The following TENT5D variants were observed in gnomAD, a reference collection of about 807,000 sequenced individuals.
TENT5D encodes the protein terminal nucleotidyltransferase 5D.
For missense variants in TENT5D, 191 were observed against 287.0 expected (o/e 0.67, Z 2.42); for synonymous variants, 103 against 100.6 (o/e 1.02, Z -0.15).
chrX:80,347,334 G>A (rs771906205), intron 3 of TENT5D, among the ~76,000 whole-genome samples: 1 of 111,868 alleles, frequency 8.9e-6, no homozygotes, highest in South Asian at 3.7e-4. Flanking sequence ...TCCTTAACCA[G>A]CATCTGTTGT....
At chrX:80,351,883 G>C (rs1323134501) in intron 3 of TENT5D, among the ~76,000 whole-genome samples, 1 of 112,243 alleles carries the variant, frequency 8.9e-6, no homozygotes, top group African/African-American at 3.2e-5. Flanking sequence ...CTGTTTGTTA[G>C]TTTTTCTTCT....
At chrX:80,374,307 C>T (rs1930686886) in intron 3 of TENT5D, among the ~76,000 whole-genome samples, 1 of 111,294 alleles carries the variant, frequency 9.0e-6, no homozygotes, top group South Asian at 3.8e-4. Flanking sequence ...GCAATGAACA[C>T]ACGTGCGCAT....
At chrX:80,384,905 C>A (rs777137156) in intron 3 of TENT5D, among the ~76,000 whole-genome samples, 2 of 110,596 alleles carry the variant, frequency 1.8e-5, no homozygotes, top group East Asian at 5.7e-4. Flanking sequence ...CAAACCACTG[C>A]TCAATGAAAT....
chrX:80,357,525 T>C (rs376763411), intron 3 of TENT5D, among the ~76,000 whole-genome samples: 6 of 111,190 alleles, frequency 5.4e-5, no homozygotes, highest in Non-Finnish European at 9.4e-5. Context: ...ATGATGAGCA[T>C]TTTTTCATGT....
intron 3 of TENT5D, among the ~76,000 whole-genome samples, chrX:80,348,374 G>A (rs1930109716): frequency 9.0e-6 from 1 of 111,267 alleles, no homozygotes; most frequent in Admixed American, 9.5e-5. Context: ...CCTTGAAGAG[G>A]TCTTTCACAT....
intron 1 of TENT5D, among the ~76,000 whole-genome samples, chrX:80,428,192 C>T (rs1383748692): frequency 3.6e-5 from 4 of 111,999 alleles, no homozygotes; most frequent in Non-Finnish European, 5.6e-5. Context: ...TGCATTCAGA[C>T]GGGGAGTTTT....
chrX:80,415,548 T>C (rs1352237332), upstream of TENT5D, among the ~76,000 whole-genome samples: 1 of 112,167 alleles, frequency 8.9e-6, no homozygotes, highest in Admixed American at 9.5e-5. Flanking sequence ...TCTGCATCTA[T>C]TGAGATTTTC....
At chrX:80,399,183 G>T (rs990141883) in intron 3 of TENT5D, among the ~76,000 whole-genome samples, 1 of 111,466 alleles carries the variant, frequency 9.0e-6, no homozygotes, top group Non-Finnish European at 1.9e-5. Context: ...GAAGATCATT[G>T]CCCAGAACAG....
chrX:80,397,019 C>CGG (rs1191373421), intron 3 of TENT5D, among the ~76,000 whole-genome samples: 1 of 75,477 alleles, frequency 1.3e-5, no homozygotes, highest in Non-Finnish European at 2.6e-5. Context: ...GGCGTCTGGC[C>CGG]GGGGGGGGGG....
At chrX:80,375,365 G>C (rs1001102224) in intron 3 of TENT5D, among the ~76,000 whole-genome samples, 1 of 110,864 alleles carries the variant, frequency 9.0e-6, no homozygotes, top group African/African-American at 3.3e-5. Context: ...TATTTTCCTA[G>C]CTTGCTTGTA....
intron 1 of TENT5D, among the ~76,000 whole-genome samples, chrX:80,436,975 G>T (rs1932195813): frequency 9.0e-6 from 1 of 111,497 alleles, no homozygotes; most frequent in South Asian, 3.7e-4. Flanking sequence ...CTTTGGGTTA[G>T]CACAATAAAC....
At chrX:80,343,847 T>C (rs1488436194) in intron 3 of TENT5D, among the ~76,000 whole-genome samples, 2 of 111,549 alleles carry the variant, frequency 1.8e-5, no homozygotes, top group Admixed American at 9.5e-5. Context: ...ATTTGTTACA[T>C]GGGTAAATAG....
At chrX:80,374,887 T>G (rs1185376982) in intron 3 of TENT5D, among the ~76,000 whole-genome samples, 2 of 111,236 alleles carry the variant, frequency 1.8e-5, no homozygotes, top group Non-Finnish European at 3.8e-5. Flanking sequence ...AAATGCTCTA[T>G]TGACCATTTT....
chrX:80,401,020 T>A (rs1447348512), intron 3 of TENT5D, among the ~76,000 whole-genome samples: 2 of 112,202 alleles, frequency 1.8e-5, no homozygotes, highest in Non-Finnish European at 3.8e-5. Flanking sequence ...ATGGACATTA[T>A]AACAATATTA....
intron 1 of TENT5D, among the ~76,000 whole-genome samples, chrX:80,423,360 G>A (rs1379238300): frequency 8.9e-6 from 1 of 111,748 alleles, no homozygotes; most frequent in African/African-American, 3.3e-5. Context: ...GGACACAAGG[G>A]TGAATTTCAA....
chrX:80,411,783 G>A (rs1931672201), intron 3 of TENT5D, among the ~76,000 whole-genome samples: 1 of 112,077 alleles, frequency 8.9e-6, no homozygotes, highest in Non-Finnish European at 1.9e-5. Flanking sequence ...TTATCTACAA[G>A]CATTTATTCC....
chrX:80,399,411 A>G (rs1490773660), intron 3 of TENT5D, among the ~76,000 whole-genome samples: 1 of 112,136 alleles, frequency 8.9e-6, no homozygotes, highest in Non-Finnish European at 1.9e-5. Context: ...TAGAAAATAA[A>G]TTGACTATAG....
At chrX:80,379,264 A>T (rs1172129610) in intron 3 of TENT5D, among the ~76,000 whole-genome samples, 1 of 108,441 alleles carries the variant, frequency 9.2e-6, no homozygotes, top group Non-Finnish European at 1.9e-5. Context: ...TGATTTGCAT[A>T]TGTTGAACCA....
intron 3 of TENT5D, among the ~76,000 whole-genome samples, chrX:80,398,411 A>G (rs1208612179): frequency 8.9e-6 from 1 of 111,937 alleles, no homozygotes; most frequent in Non-Finnish European, 1.9e-5. Flanking sequence ...TTGGTTTGAT[A>G]TAATCCTGTT....
Sources: gnomAD v4.1 joint callset for allele counts (sites outside exome capture counted in the v4.1 genomes callset) on GRCh38, gnomAD v4.1.1 for gene constraint, MANE v1.5 for transcripts, NCBI Gene and HGNC (gene_info 2026-07-23, HGNC 2026-07-21) for gene names.